Variants in ACVR2B observed in about 807,000 individuals in gnomAD.
The protein encoded by ACVR2B is activin A receptor type 2B.
Under a neutral mutation model 65.1 loss-of-function variants are expected in ACVR2B, and 18 were observed. That is an observed-to-expected ratio of 0.28 (90% CI 0.19 to 0.41). The LOEUF is 0.41. Ranked by LOEUF, ACVR2B falls within the 10% of genes least tolerant of loss-of-function variation. ACVR2B has a pLI of 1.00. For missense variants in ACVR2B, 482 were observed against 682.7 expected (o/e 0.71, Z 3.28); for synonymous variants, 298 against 277.7 (o/e 1.07, Z -0.73).
Position 38,478,171 on chromosome 3 carries a change from C to T in ACVR2B, c.401C>T (p.Thr134Ile). The T allele has an allele frequency of 6.2e-7, 1 of 1,613,058 alleles. No homozygotes were observed. The highest frequency in any genetic ancestry group is 8.5e-7 in the Non-Finnish European group (1 of 1,179,930). The change falls in exon 4 of 11, where the codon ACC becomes ATC. Residue 134 changes from threonine (T) to isoleucine (I), a missense_variant. Around this residue, in one of 5 missense-constraint regions of ACVR2B, gnomAD observed 95 missense variants for 91.6 expected, o/e 1.04. Transcript: ENST00000352511. ...TACGAGCCACCCCCGACAGCCCCCA[C>T]CCTGCTCACGGTGCTGGCCTACTCA... ...VTYEPPPTAP[T>I]LLTVLAYSLL...
rs1709986319 is a variant in ACVR2B, at chr3:38,479,835, G to C, written c.959+9G>C. 6.2e-7 allele frequency: 1 copy of C among 1,613,540 alleles called. No individual in the cohort carries two copies. Among genetic ancestry groups the C allele is most frequent in the African/African-American group, 1.3e-5 (1 of 74,926 alleles). On this transcript the variant is annotated intron_variant, in intron 7 of 10. Coordinates refer to ENST00000352511, the MANE Select transcript of ACVR2B (RefSeq NM_001106.4). ...CCGTCTATTGCCCACAGGTACCTGG[G>C]TCAGCAGGTGCCTTTCCTGCACTTG...
At position 38,489,066 on chromosome 3, in the gene ACVR2B, T is replaced by C. The variant is rs1366412087; in HGVS notation, c.*5734T>C. 2 of 152,314 alleles carry C rather than the reference T, an allele frequency of 1.3e-5. No homozygotes were observed. The highest frequency in any genetic ancestry group is 2.9e-5 in the Non-Finnish European group (2 of 68,004). The allele number at this position is 152,314 out of a possible 1,614,324, so 9.4% of individuals were successfully genotyped here. On this transcript the variant is annotated 3_prime_UTR_variant, in exon 11 of 11. Transcript: ENST00000352511. ...ATGACCCACAAGTTTTTCAGGCAGG[T>C]GAGGATGGGTCTTCTTGCAAATGCA...
rs781693526 is a variant in ACVR2B, at chr3:38,478,272, G to A, written c.502G>A (p.Gly168Ser). The change falls in exon 4 of 11, where the codon GGT (glycine) becomes AGT (serine). Residue 168 changes from glycine (G) to serine (S), a missense_variant. Physicochemically the swap from Gly to Ser is moderately conservative, Grantham distance 56. This residue lies in a region of ACVR2B where 95 missense variants were observed against 91.6 expected (regional missense o/e 1.04). Transcript: ENST00000352511. ...WMYRHRKPPY[G>S]HVDIHEDPGP... is the part of the protein sequence containing the mutation. Reference sequence around the variant, plus strand: ...GTACCGGCATCGCAAGCCCCCCTACGGTCATGTGGACATCCATGAGGTGAG... The same window carrying A: ...GTACCGGCATCGCAAGCCCCCCTACAGTCATGTGGACATCCATGAGGTGAG... The A allele has an allele frequency of 1.9e-6, 3 of 1,614,020 alleles. No homozygotes were observed. Among genetic ancestry groups the A allele is most frequent in the Admixed American group, 1.7e-5 (1 of 60,014 alleles).
chr3:38,472,630 G>C (rs549848163), intron 1 of ACVR2B, among the ~76,000 whole-genome samples: 5 of 152,260 alleles, frequency 3.3e-5, no homozygotes, highest in Admixed American at 6.5e-5. Context: ...GGCTGCCAAG[G>C]GGCCTCCAGG....
rs2125733205 is a variant in ACVR2B at position 38,491,501 on chromosome 3, C to T, written c.*8169C>T. 6.5e-6 allele frequency: 1 copy of T among 152,790 alleles called. No individual in the cohort carries two copies. The highest frequency in any genetic ancestry group is 1.9e-4 in the East Asian group (1 of 5,186). The allele number at this position is 152,790 out of a possible 1,614,324, so 9.5% of individuals were successfully genotyped here. On this transcript the variant is annotated 3_prime_UTR_variant, in exon 11 of 11. Transcript: ENST00000352511. ...TAGCCCGAGTGGGGTTTTCTCAGAG[C>T]ACTGCCACGAGTTAAGTGTGTGTTT... is the stretch of plus-strand genomic sequence containing the variant.
chr3:38,459,478 C>G (rs1460846916), intron 1 of ACVR2B: 9 of 514,402 alleles, frequency 1.7e-5, no homozygotes, highest in Admixed American at 6.4e-5. Context: ...GACTCTCTGC[C>G]TGCCCAGCAG....
intron 1 of ACVR2B, chr3:38,474,441 T>C (rs1709872174): frequency 1.3e-5 from 2 of 152,404 alleles, no homozygotes; most frequent in South Asian, 4.1e-4. Context: ...TCCCCTCCTT[T>C]CGACATGTTG....
chr3:38,462,910 G>A (rs1171509937), intron 1 of ACVR2B, among the ~76,000 whole-genome samples: 2 of 152,156 alleles, frequency 1.3e-5, no homozygotes, highest in Non-Finnish European at 2.9e-5. Flanking sequence ...GAGGGTAGAA[G>A]CTGGGTGATA....
chr3:38,481,786 T>G lies in ACVR2B; in HGVS notation c.1074+321T>G, dbSNP rs1347886507. 6.6e-6 allele frequency among the ~76,000 whole-genome samples: 1 copy of G among 152,208 alleles called. No individual in the cohort carries two copies. The highest frequency in any genetic ancestry group is 1.5e-5 in the Non-Finnish European group (1 of 68,040). On this transcript the variant is annotated intron_variant, in intron 8 of 10. Coordinates refer to ENST00000352511, the MANE Select transcript of ACVR2B (RefSeq NM_001106.4). The surrounding 1 kb of genome is among the most constrained non-coding windows in gnomAD (Gnocchi z 4.7). ...ACAAAACAAAGAAATGTACTAAGGA[T>G]CCAAACAAAGAACCTGGAAAAAGTA... is the stretch of plus-strand genomic sequence containing the variant.
At chr3:38,473,267 G>A (rs890152707) in intron 1 of ACVR2B, among the ~76,000 whole-genome samples, 1 of 152,156 alleles carries the variant, frequency 6.6e-6, no homozygotes, top group Non-Finnish European at 1.5e-5. Context: ...GTGTCTGGGG[G>A]CCATGCTCAC....
intron 7 of ACVR2B, among the ~76,000 whole-genome samples, chr3:38,480,087 A>G (rs528475573): frequency 6.6e-6 from 1 of 152,288 alleles, no homozygotes; most frequent in African/African-American, 2.4e-5. Flanking sequence ...TTGGCTCAGT[A>G]GTTCTCAAAT....
chr3:38,459,184 T>G (rs570129939), intron 1 of ACVR2B, among the ~76,000 whole-genome samples: 1 of 152,266 alleles, frequency 6.6e-6, no homozygotes, highest in African/African-American at 2.4e-5. Context: ...GGAGGTGAGG[T>G]TCTCCTCAAA....
At chr3:38,478,939 G>A (rs1302681747) in intron 5 of ACVR2B, among the ~76,000 whole-genome samples, 189 bp from the exon 6 acceptor site, 1 of 151,968 alleles carries the variant, frequency 6.6e-6, no homozygotes, top group Non-Finnish European at 1.5e-5. Context: ...CATGCTCTGG[G>A]GCCTAGCTTA....
chr3:38,462,225 A>T (rs1709660747), intron 1 of ACVR2B, among the ~76,000 whole-genome samples: 1 of 152,164 alleles, frequency 6.6e-6, no homozygotes, highest in Non-Finnish European at 1.5e-5. Context: ...AAACAAATAA[A>T]TAAATAAATA....
rs1181053666 is a variant in ACVR2B, at chr3:38,478,385, C to T, written c.533C>T (p.Pro178Leu). 1 of 1,614,110 alleles carries T rather than the reference C, an allele frequency of 6.2e-7. No individual in the cohort carries two copies. ...CTTGCTCTCCCCCAGGACCCTGGGC[C>T]TCCACCACCATCCCCTCTGGTGGGC... ...GHVDIHEDPG[P>L]PPPSPLVGLK... The change falls in exon 5 of 11, where the codon CCT becomes CTT. Residue 178 changes from proline (P) to leucine (L), a missense_variant. Physicochemically the swap from Pro to Leu is moderately conservative, Grantham distance 98 (BLOSUM62 -3). Around this residue, in one of 5 missense-constraint regions of ACVR2B, gnomAD observed 95 missense variants for 91.6 expected, o/e 1.04. Transcript: ENST00000352511.
chr3:38,477,261 G>T lies in ACVR2B; in HGVS notation c.53-26G>T, dbSNP rs1709927541. On this transcript the variant is annotated intron_variant, in intron 1 of 10. Coordinates refer to ENST00000352511, the MANE Select transcript of ACVR2B (RefSeq NM_001106.4). This position sits in a 1 kb window ranked among gnomAD's most constrained non-coding sequence, Gnocchi z 6.7. ...GGTGGTGGTCCCAGGGGCATGCTCA[G>T]TGGTTCTCTTTTCTCTGGGGCACAG... is the stretch of plus-strand genomic sequence containing the variant. 4 of 1,613,234 alleles carry T rather than the reference G, an allele frequency of 2.5e-6. No homozygotes were observed. Among genetic ancestry groups the T allele is most frequent in the South Asian group, 1.1e-5 (1 of 91,060 alleles).
intron 1 of ACVR2B, among the ~76,000 whole-genome samples, chr3:38,464,567 A>T (rs1180302495): frequency 8.4e-6 from 1 of 118,862 alleles, no homozygotes; most frequent in South Asian, 2.9e-4. Flanking sequence ...TAGGGTGATG[A>T]TTTTGGTATT....
Position 38,479,778 on chromosome 3 carries a change from A to T in ACVR2B, c.911A>T (p.Asp304Val). 6.2e-7 allele frequency: 1 copy of T among 1,614,218 alleles called. No individual in the cohort carries two copies. The highest frequency in any genetic ancestry group is 8.5e-7 in the Non-Finnish European group (1 of 1,180,032). ...MSRGLSYLHE[D>V]VPWCRGEGHK... is the part of the protein sequence containing the mutation. Reference sequence around the variant, plus strand: ...CGAGGCCTCTCATACCTGCATGAGGATGTGCCCTGGTGCCGTGGCGAGGGC... The same window carrying T: ...CGAGGCCTCTCATACCTGCATGAGGTTGTGCCCTGGTGCCGTGGCGAGGGC... The change falls in exon 7 of 11, where the codon GAT becomes GTT. Residue 304 changes from aspartate (D) to valine (V), a missense_variant. By Grantham distance (152) the Asp-to-Val change is radical. Coordinates refer to ENST00000352511, the MANE Select transcript of ACVR2B (RefSeq NM_001106.4).
chr3:38,470,775 T>C (rs1467017298), intron 1 of ACVR2B, among the ~76,000 whole-genome samples: 1 of 152,226 alleles, frequency 6.6e-6, no homozygotes, highest in Non-Finnish European at 1.5e-5. Context: ...GATGTTGATT[T>C]AGGCTTTTAG....
Sources: allele counts gnomAD v4.1 joint callset (sites outside exome capture counted in the v4.1 genomes callset), GRCh38; gene constraint gnomAD v4.1.1; regional missense constraint gnomAD v4.1.1; non-coding constraint Gnocchi (gnomAD v3.1); transcripts MANE v1.5; gene names NCBI Gene and HGNC (gene_info 2026-07-23, HGNC 2026-07-21).